The following CDH18 variants were observed in gnomAD, a reference collection of about 807,000 sequenced individuals.
CDH18 encodes cadherin-18.
Under a neutral mutation model 67.9 loss-of-function variants are expected in CDH18, and 31 were observed. That is an observed-to-expected ratio of 0.46 (90% CI 0.34 to 0.62). CDH18 has a LOEUF of 0.62. Ranked by LOEUF, CDH18 falls within the 20% of genes least tolerant of loss-of-function variation. The pLI is 0.01. For missense variants in CDH18, 890 were observed against 975.5 expected (o/e 0.91, Z 1.17); for synonymous variants, 362 against 347.2 (o/e 1.04, Z -0.48).
chr5:20,287,653 G>T (rs1324439320), intron 1 of CDH18, among the ~76,000 whole-genome samples: 1 of 151,720 alleles, frequency 6.6e-6, no homozygotes, highest in East Asian at 1.9e-4. Flanking sequence ...CACATACATT[G>T]AATCATGATG....
chr5:19,964,754 C>T (rs1462084443), intron 2 of CDH18, among the ~76,000 whole-genome samples: 1 of 151,356 alleles, frequency 6.6e-6, no homozygotes, highest in African/African-American at 2.4e-5. Context: ...CATATTTTGG[C>T]TAATTCCGTT....
At chr5:19,912,386 C>G (rs1791250484) in intron 2 of CDH18, among the ~76,000 whole-genome samples, 1 of 152,036 alleles carries the variant, frequency 6.6e-6, no homozygotes, top group Non-Finnish European at 1.5e-5. Flanking sequence ...TTTAGTGACA[C>G]AGAGGACATG....
chr5:20,201,417 T>C (rs1281178652), intron 2 of CDH18, among the ~76,000 whole-genome samples: 1 of 152,148 alleles, frequency 6.6e-6, no homozygotes, highest in Admixed American at 6.6e-5. Context: ...CCAGACACAG[T>C]TCAATTAATG....
rs187606570 is a variant in CDH18 at position 19,516,103 on chromosome 5, T to G, written c.1512+4554A>C. On this transcript the variant is annotated intron_variant, in intron 10 of 12. Transcript: ENST00000382275. ...AAAGGCCTTTCTGCATCTATCGAGA[T>G]AATTATGTGGTTTTTGTCTTTGGAT... Among the ~76,000 whole-genome samples, 516 of 152,322 alleles carry G rather than the reference T, an allele frequency of 3.4e-3. 2 individuals carry two copies. Among genetic ancestry groups the G allele is most frequent in the African/African-American group, 0.012 (496 of 41,584 alleles).
Position 19,520,711 on chromosome 5 carries a change from G to T in CDH18, c.1458C>A (p.Pro486=). 6.2e-7 allele frequency: 1 copy of T among 1,613,060 alleles called. No homozygotes were observed. Among genetic ancestry groups the T allele is most frequent in the South Asian group, 1.1e-5 (1 of 90,986 alleles). The part of the protein sequence containing the change: ...IRVLDVNDNP[P]ELAREYDIIV... ...TAATATCATATTCCCTGGCAAGTTC[G>T]GGTGGATTGTCATTGACATCCAGAA... is the stretch of plus-strand genomic sequence containing the variant. Residue 486 remains proline (P), a synonymous_variant, in exon 10 of 13, where the codon CCC becomes CCA. Transcript: ENST00000382275.
At chr5:20,131,137 C>A (rs1331902073) in intron 2 of CDH18, among the ~76,000 whole-genome samples, 5 of 152,018 alleles carry the variant, frequency 3.3e-5, no homozygotes, top group Admixed American at 3.3e-4. Flanking sequence ...TAAAAAGTCT[C>A]TACTTTCTTT....
chr5:20,218,534 CTG>C (rs1740962728), intron 2 of CDH18, among the ~76,000 whole-genome samples: 1 of 151,956 alleles, frequency 6.6e-6, no homozygotes, highest in Non-Finnish European at 1.5e-5. Flanking sequence ...TATGCTTTTG[CTG>C]TGTGTCCCCA....
At position 19,483,528 on chromosome 5, in the gene CDH18, C is replaced by T; in HGVS notation, c.1655G>A (p.Arg552Lys). 1 of 1,612,698 alleles carries T rather than the reference C, an allele frequency of 6.2e-7. No individual in the cohort carries two copies. The change falls in exon 12 of 13, where the codon AGG (arginine) becomes AAG (lysine). Residue 552 changes from arginine to lysine, a missense_variant. Coordinates refer to ENST00000382275, the MANE Select transcript of CDH18 (RefSeq NM_004934.5). ...AACAGTTCGACTAAATCTCCTCCGC[C>T]TTGTCAGAATGCTGGCTGTGTTATC... ...NEDNTASILTRRRRFSRTVQD... is the reference protein window; with the variant it reads ...NEDNTASILTKRRRFSRTVQD...
At chr5:19,888,632 T>C (rs963456841) in intron 2 of CDH18, among the ~76,000 whole-genome samples, 4 of 152,174 alleles carry the variant, frequency 2.6e-5, no homozygotes, top group African/African-American at 7.2e-5. Context: ...TAAAATTATT[T>C]ACTAATTTCA....
At chr5:20,554,859 A>G (rs1324293438) in intron 1 of CDH18, among the ~76,000 whole-genome samples, 1 of 152,212 alleles carries the variant, frequency 6.6e-6, no homozygotes, top group African/African-American at 2.4e-5. Flanking sequence ...AAAGAAGACC[A>G]AACTTGTCTG....
intron 11 of CDH18, among the ~76,000 whole-genome samples, chr5:19,488,346 CA>C (rs1003270723): frequency 6.6e-6 from 1 of 152,062 alleles, no homozygotes; most frequent in African/African-American, 2.4e-5. Context: ...TCTGATAATG[CA>C]GGCAAAGATA....
At chr5:19,637,761 G>C (rs62351288) in intron 5 of CDH18, among the ~76,000 whole-genome samples, 8,789 of 152,054 alleles carry the variant, frequency 0.058, 288 homozygotes, top group Non-Finnish European at 0.074. Context: ...TCCATCCAGT[G>C]ACCTCTTGCT....
intron 2 of CDH18, among the ~76,000 whole-genome samples, chr5:19,852,905 G>T (rs1324760146): frequency 6.7e-6 from 1 of 150,322 alleles, no homozygotes; most frequent in Non-Finnish European, 1.5e-5. Context: ...ACTTATAAAT[G>T]GAATTATCCC....
intron 2 of CDH18, among the ~76,000 whole-genome samples, chr5:20,254,058 T>G (rs1744053001): frequency 6.6e-6 from 1 of 152,292 alleles, no homozygotes; most frequent in African/African-American, 2.4e-5. Flanking sequence ...AGTAGACATT[T>G]CACCAAAAAC....
chr5:20,456,038 C>T (rs909687383), intron 1 of CDH18, among the ~76,000 whole-genome samples: 2 of 152,066 alleles, frequency 1.3e-5, no homozygotes, highest in African/African-American at 4.8e-5. Context: ...GTTGCTAAGA[C>T]AAGCAAATTT....
intron 10 of CDH18, among the ~76,000 whole-genome samples, chr5:19,517,153 G>A (rs1217159752): frequency 6.6e-6 from 1 of 152,012 alleles, no homozygotes; most frequent in African/African-American, 2.4e-5. Flanking sequence ...TAGCTCTTAT[G>A]CTAGGCCTGT....
chr5:20,401,685 A>G (rs1251788984), intron 1 of CDH18, among the ~76,000 whole-genome samples: 1 of 152,196 alleles, frequency 6.6e-6, no homozygotes, highest in Admixed American at 6.5e-5. Context: ...ATCCTTCAGC[A>G]TGTTCTGATG....
intron 2 of CDH18, among the ~76,000 whole-genome samples, chr5:20,119,848 C>T (rs1748207856): frequency 6.6e-6 from 1 of 151,844 alleles, no homozygotes; most frequent in African/African-American, 2.4e-5. Flanking sequence ...ATTAGTATAA[C>T]ATAACAACAG....
At chr5:20,549,318 A>G (rs576040013) in intron 1 of CDH18, among the ~76,000 whole-genome samples, 1 of 152,258 alleles carries the variant, frequency 6.6e-6, no homozygotes, top group South Asian at 2.1e-4. Flanking sequence ...CATTCTATAT[A>G]TACAAACACT....
Sources: allele counts gnomAD v4.1 joint callset (sites outside exome capture counted in the v4.1 genomes callset), GRCh38; gene constraint gnomAD v4.1.1; transcripts MANE v1.5; gene names NCBI Gene and HGNC (gene_info 2026-07-23, HGNC 2026-07-21).